Variants in MAPK14 observed in about 807,000 individuals in gnomAD.
MAPK14 encodes CSAID-binding protein.
MAPK14 carries 16 observed loss-of-function variants against 49.6 expected under a neutral mutation model. The observed-to-expected ratio is 0.32, with a 90% CI of 0.22 to 0.49. The LOEUF (loss-of-function observed/expected upper bound fraction) is 0.49, where lower values mean the gene tolerates loss of function less well. MAPK14 is among the 20% of genes least tolerant of loss of function. The pLI is 0.99. For missense variants in MAPK14, 200 were observed against 441.2 expected (o/e 0.45, Z 4.90); for synonymous variants, 142 against 158.0 (o/e 0.90, Z 0.76).
intron 1 of MAPK14, among the ~76,000 whole-genome samples, chr6:36,037,886 G>T (rs370386133): frequency 1.3e-5 from 2 of 152,080 alleles, no homozygotes; most frequent in Non-Finnish European, 2.9e-5. Flanking sequence ...CTACTTGGGA[G>T]GCTGAGGTGG....
intron 3 of MAPK14, among the ~76,000 whole-genome samples, chr6:36,069,126 G>A (rs919051844): frequency 6.6e-6 from 1 of 151,862 alleles, no homozygotes; most frequent in African/African-American, 2.4e-5. Flanking sequence ...TTTACTTTAG[G>A]TGTTATATAC....
At chr6:36,049,747 CTGA>C (rs765332909) in intron 1 of MAPK14, among the ~76,000 whole-genome samples, 5 of 152,114 alleles carry the variant, frequency 3.3e-5, no homozygotes, top group African/African-American at 4.8e-5. Flanking sequence ...TAGGGAGACA[CTGA>C]TGATGCAAGA....
intron 8 of MAPK14, among the ~76,000 whole-genome samples, chr6:36,089,378 T>C (rs1186187087): frequency 6.6e-6 from 1 of 152,066 alleles, no homozygotes; most frequent in Non-Finnish European, 1.5e-5. Flanking sequence ...TGGGGCCTGT[T>C]GGTGGGGTGG....
intron 3 of MAPK14, among the ~76,000 whole-genome samples, chr6:36,066,285 A>AGGC (rs1764054252): frequency 2.0e-5 from 3 of 152,114 alleles, no homozygotes; most frequent in African/African-American, 7.2e-5. Context: ...TTCTGATCTA[A>AGGC]GGCTATGATT....
In MAPK14 at chr6:36,090,608, C is replaced by T. The variant is rs546640745; in HGVS notation, c.683-5379C>T. Among the ~76,000 whole-genome samples, 127 of 151,800 alleles carry T rather than the reference C, an allele frequency of 8.4e-4. 1 individual carries two copies. The highest frequency in any genetic ancestry group is 3.0e-3 in the African/African-American group (125 of 41,286). On this transcript the variant is annotated intron_variant, in intron 8 of 11. Transcript: ENST00000229794. ...TGGCGCAATCTCTGCTCACTGCAACCTCCACCTCCCGTGTTCAAGCGATTC... is the reference window on the plus strand; with the variant it reads ...TGGCGCAATCTCTGCTCACTGCAACTTCCACCTCCCGTGTTCAAGCGATTC...
chr6:36,092,363 T>C, intron 8 of MAPK14: 1 of 657,104 alleles, frequency 1.5e-6, no homozygotes. Context: ...ATGAGTTCCC[T>C]GCAGGGAACT....
intron 2 of MAPK14, among the ~76,000 whole-genome samples, chr6:36,055,212 C>A (rs1382953306): frequency 2.0e-5 from 3 of 152,196 alleles, no homozygotes; most frequent in African/African-American, 7.2e-5. Flanking sequence ...GCTGTCTGGG[C>A]AGACACTACA....
chr6:36,078,087 AACATACAGGTTAAGC>A (rs1764602386), intron 8 of MAPK14, among the ~76,000 whole-genome samples: 2 of 152,258 alleles, frequency 1.3e-5, no homozygotes, highest in Non-Finnish European at 2.9e-5. Context: ...AAGGCAGTAT[AACATACAGGTTAAGC>A]ACATGCTCTG....
At chr6:36,043,131 A>T (rs924841418) in intron 1 of MAPK14, among the ~76,000 whole-genome samples, 9 of 152,110 alleles carry the variant, frequency 5.9e-5, no homozygotes, top group Non-Finnish European at 1.2e-4. Flanking sequence ...CTCAAAAAAA[A>T]AAATTAAAAA....
chr6:36,030,934 T>C (rs1312471359), intron 1 of MAPK14, among the ~76,000 whole-genome samples: 1 of 152,232 alleles, frequency 6.6e-6, no homozygotes, highest in African/African-American at 2.4e-5. Context: ...AAACAAATTA[T>C]AACTAATGTT....
intron 1 of MAPK14, among the ~76,000 whole-genome samples, chr6:36,037,418 A>C (rs570253602): frequency 6.6e-6 from 1 of 152,296 alleles, no homozygotes; most frequent in East Asian, 1.9e-4. Context: ...TGGGGGAAAG[A>C]AGTATAGGAG....
chr6:36,060,651 C>G (rs998845698), intron 3 of MAPK14, among the ~76,000 whole-genome samples: 1 of 152,110 alleles, frequency 6.6e-6, no homozygotes, highest in Admixed American at 6.5e-5. Context: ...GGGCTGATTG[C>G]AAACACCGTT....
chr6:36,101,558 T>C (rs1765638085), intron 9 of MAPK14, among the ~76,000 whole-genome samples: 1 of 151,910 alleles, frequency 6.6e-6, no homozygotes, highest in Non-Finnish European at 1.5e-5. Flanking sequence ...CGATCTTAGC[T>C]CACTGGAACC....
the MAPK14 span, among the ~76,000 whole-genome samples, chr6:36,117,741 G>A: frequency 6.6e-6 from 1 of 152,238 alleles, no homozygotes; most frequent in Non-Finnish European, 1.5e-5. Flanking sequence ...TGAGTATACA[G>A]TAAATGCTAA....
In MAPK14 at chr6:36,036,866, G is replaced by A. The variant is rs570190300; in HGVS notation, c.116+8593G>A. ...AGCAATTCTCCCACCTTAGCCTCCCGAGTAGCTGGGATTACAGGTGTGCAC... is the reference window on the plus strand; with the variant it reads ...AGCAATTCTCCCACCTTAGCCTCCCAAGTAGCTGGGATTACAGGTGTGCAC... On this transcript the variant is annotated intron_variant, in intron 1 of 11. Coordinates refer to ENST00000229794, the MANE Select transcript of MAPK14 (RefSeq NM_139012.3). Among the ~76,000 whole-genome samples, 6 of 152,076 alleles carry A rather than the reference G, an allele frequency of 3.9e-5. No homozygotes were observed. The East Asian group carries it at 1.2e-3, about 29-fold the overall frequency.
intron 1 of MAPK14, among the ~76,000 whole-genome samples, chr6:36,046,079 T>A (rs1763168986): frequency 6.6e-6 from 1 of 152,220 alleles, no homozygotes; most frequent in Admixed American, 6.5e-5. Context: ...AGTATGAATG[T>A]GTAACAAAAC....
intron 8 of MAPK14, among the ~76,000 whole-genome samples, chr6:36,085,393 G>A (rs556217410): frequency 1.3e-5 from 2 of 152,104 alleles, no homozygotes; most frequent in East Asian, 1.9e-4. Context: ...AAAGAATCAC[G>A]ACCCATCAGT....
Position 36,081,416 on chromosome 6 carries a change from A to T in MAPK14, c.682+4808A>T, listed in dbSNP as rs1405412238. Among the ~76,000 whole-genome samples the T allele has an allele frequency of 2.0e-5, 3 of 152,192 alleles. No individual in the cohort carries two copies. In the East Asian group the frequency reaches 5.8e-4, roughly 29 times the overall value. On this transcript the variant is annotated intron_variant, in intron 8 of 11. Transcript: ENST00000229794. ...TTCATTCTTTTGCATCTGGAAGTCC[A>T]GTTATTCTAGCACCATAAAGAGACT...
chr6:36,095,248 A>G (rs926614636), intron 8 of MAPK14, among the ~76,000 whole-genome samples: 2 of 152,130 alleles, frequency 1.3e-5, no homozygotes, highest in African/African-American at 4.8e-5. Flanking sequence ...AGCCTTTGGG[A>G]TGTGTGAAGT....
Sources: allele counts gnomAD v4.1 joint callset (sites outside exome capture counted in the v4.1 genomes callset), GRCh38; gene constraint gnomAD v4.1.1; transcripts MANE v1.5; gene names NCBI Gene and HGNC (gene_info 2026-07-23, HGNC 2026-07-21).